The following NFIB variants were observed in gnomAD, a reference collection of about 807,000 sequenced individuals.
The protein encoded by NFIB is nuclear factor I B.
NFIB carries 11 observed loss-of-function variants against 61.5 expected under a neutral mutation model. That is an observed-to-expected ratio of 0.18 (90% CI 0.11 to 0.30). NFIB has a LOEUF of 0.30. Among genes scored for constraint, NFIB ranks in the 10% least tolerant of loss-of-function variants. The probability of loss-of-function intolerance (pLI) is 1.00; values close to 1 mark genes in which losing one functional copy is unlikely to be tolerated. For missense variants in NFIB, 471 were observed against 608.9 expected (o/e 0.77, Z 2.38); for synonymous variants, 260 against 216.5 (o/e 1.20, Z -1.76).
intron 2 of NFIB, among the ~76,000 whole-genome samples, chr9:14,279,526 GAA>G (rs945966456): frequency 4.6e-5 from 7 of 152,242 alleles, no homozygotes; most frequent in African/African-American, 1.7e-4. Flanking sequence ...CGACTTCAAA[GAA>G]AGACCCTCAA....
chr9:14,308,982 C>T lies in NFIB; in HGVS notation c.31-1462G>A, dbSNP rs139785211. Among the ~76,000 whole-genome samples, 13 of 152,248 alleles carry T rather than the reference C, an allele frequency of 8.5e-5. No individual in the cohort carries two copies. The South Asian group carries it at 2.3e-3, about 27-fold the overall frequency. ...AGCTTAACGTCCTGTACATGCACAC[C>T]GCATGTACGCAATAAGCCAAGATTT... On this transcript the variant is annotated intron_variant, in intron 1 of 10. Coordinates refer to ENST00000380953, the MANE Select transcript of NFIB (RefSeq NM_001190737.2).
chr9:14,123,089 A>G (rs1019985775), intron 7 of NFIB, among the ~76,000 whole-genome samples: 9 of 151,782 alleles, frequency 5.9e-5, no homozygotes, highest in Non-Finnish European at 1.0e-4. Flanking sequence ...CCCCATCTCT[A>G]CTAAAAAAAA....
At chr9:14,381,793 G>A (rs756433196) in intron 1 of NFIB, among the ~76,000 whole-genome samples, 1 of 152,272 alleles carries the variant, frequency 6.6e-6, no homozygotes, top group Non-Finnish European at 1.5e-5. Context: ...TAGAATGTAA[G>A]CTCTGAAAGG....
chr9:14,470,569 C>A, the NFIB span, among the ~76,000 whole-genome samples: 1 of 152,134 alleles, frequency 6.6e-6, no homozygotes, highest in Non-Finnish European at 1.5e-5. Flanking sequence ...AGAGGAGTCA[C>A]ATAGTACAAA....
At chr9:14,228,673 T>C (rs1164369535) in intron 2 of NFIB, among the ~76,000 whole-genome samples, 1 of 152,202 alleles carries the variant, frequency 6.6e-6, no homozygotes, top group Non-Finnish European at 1.5e-5. Flanking sequence ...TTGAAAATAT[T>C]CTAATGAAAA....
chr9:14,422,710 A>G, the NFIB span, among the ~76,000 whole-genome samples: 1 of 152,306 alleles, frequency 6.6e-6, no homozygotes, highest in East Asian at 1.9e-4. Context: ...CTCTTTGGCT[A>G]GAAGAATATG....
At chr9:14,333,977 G>C (rs1292809948) in intron 1 of NFIB, among the ~76,000 whole-genome samples, 6 of 152,184 alleles carry the variant, frequency 3.9e-5, no homozygotes, top group African/African-American at 1.4e-4. Context: ...AATATTTACT[G>C]TTATGTCTGA....
At chr9:14,099,430 T>C (rs1587155025) in intron 10 of NFIB, among the ~76,000 whole-genome samples, 1 of 152,244 alleles carries the variant, frequency 6.6e-6, no homozygotes. Flanking sequence ...CAGACATTTA[T>C]GACTTTTTTC....
Position 14,324,468 on chromosome 9 carries a change from CTGT to C in NFIB, c.109-16951_109-16949del. 2.6e-5 allele frequency among the ~76,000 whole-genome samples: 4 copies of C among 152,264 alleles called. 1 individual carries two copies. Among genetic ancestry groups the C allele is most frequent in the Admixed American group, 2.6e-4 (4 of 15,308 alleles). On this transcript the variant is annotated intron_variant, in intron 1 of 8. Transcript: ENST00000380934. ...GTAAGTGTGCAACAGAAAGTCTTCT[CTGT>C]TATTATTTGAAGTCCGCAGCAGAAT...
chr9:14,346,290 A>ATCCCCCC, intron 1 of NFIB, among the ~76,000 whole-genome samples: 1 of 88,394 alleles, frequency 1.1e-5, no homozygotes. Context: ...GGTAACCGAC[A>ATCCCCCC]CCCCCCCCCC....
the NFIB span, among the ~76,000 whole-genome samples, chr9:14,429,086 T>C: frequency 1.3e-5 from 2 of 152,146 alleles, no homozygotes; most frequent in East Asian, 3.9e-4. Flanking sequence ...TGCAATCAAA[T>C]GACAGAGCTT....
the NFIB span, among the ~76,000 whole-genome samples, chr9:14,452,079 T>A: frequency 6.6e-6 from 1 of 152,162 alleles, no homozygotes; most frequent in Non-Finnish European, 1.5e-5. Flanking sequence ...GACATACAGA[T>A]CTGACTTTTT....
intron 2 of NFIB, among the ~76,000 whole-genome samples, chr9:14,261,867 G>C (rs2132243055): frequency 6.6e-6 from 1 of 152,254 alleles, no homozygotes; most frequent in East Asian, 1.9e-4. Context: ...AGAGATAATT[G>C]TTTTATTCTT....
intron 2 of NFIB, among the ~76,000 whole-genome samples, chr9:14,277,344 GACACACACACAC>G (rs33999296): frequency 6.7e-6 from 1 of 149,264 alleles, no homozygotes; most frequent in Non-Finnish European, 1.5e-5. Context: ...CGCACACACA[GACACACACACAC>G]ACACACACAC....
chr9:14,472,016 A>G, the NFIB span, among the ~76,000 whole-genome samples: 4 of 152,184 alleles, frequency 2.6e-5, no homozygotes, highest in Non-Finnish European at 5.9e-5. Context: ...CTTGCTCTTT[A>G]GACTGCCCTT....
At chr9:14,284,064 G>A (rs538101367) in intron 2 of NFIB, among the ~76,000 whole-genome samples, 14 of 152,220 alleles carry the variant, frequency 9.2e-5, no homozygotes, top group African/African-American at 3.4e-4. Flanking sequence ...AGCTGGGAAG[G>A]GGCAGTCATG....
intron 1 of NFIB, among the ~76,000 whole-genome samples, chr9:14,348,290 A>C (rs889819380): frequency 2.0e-5 from 3 of 151,472 alleles, no homozygotes; most frequent in Non-Finnish European, 4.4e-5. Context: ...CCAAATAAAT[A>C]CCTATGGCTC....
the NFIB span, among the ~76,000 whole-genome samples, chr9:14,462,269 TTTTTTTCTTTTTTTC>T: frequency 2.0e-5 from 3 of 151,974 alleles, no homozygotes; most frequent in Non-Finnish European, 4.4e-5. Flanking sequence ...TCTTTTTTCT[TTTTTTTCTTTTTTTC>T]TTTTTTCTTT....
chr9:14,254,297 T>TA (rs2055978008), intron 2 of NFIB, among the ~76,000 whole-genome samples: 2 of 39,826 alleles, frequency 5.0e-5, no homozygotes, highest in Admixed American at 4.1e-4. Flanking sequence ...TGACACTGTC[T>TA]CAAAAAAAAC....
Sources: gnomAD v4.1 joint callset for allele counts (sites outside exome capture counted in the v4.1 genomes callset) on GRCh38, gnomAD v4.1.1 for gene constraint, MANE v1.5 for transcripts, NCBI Gene and HGNC (gene_info 2026-07-23, HGNC 2026-07-21) for gene names.